ASCC3: variants seen among roughly 807,000 people sequenced by gnomAD.
ASCC3 encodes activating signal cointegrator 1 complex subunit 3.
Under a neutral mutation model 256.3 loss-of-function variants are expected in ASCC3, and 158 were observed. The observed-to-expected ratio is 0.62, with a 90% confidence interval of 0.54 to 0.70. The LOEUF (loss-of-function observed/expected upper bound fraction) is 0.70, where lower values mean the gene tolerates loss of function less well. ASCC3 is among the 30% of genes least tolerant of loss of function. The pLI is 0.00. For synonymous variants in ASCC3, 948 were observed against 883.4 expected (o/e 1.07, Z -1.30); for missense variants, 2,259 against 2,626.0 (o/e 0.86, Z 3.05).
rs34025918 is a variant in ASCC3 at position 100,642,732 on chromosome 6, G to T, written c.3750C>A (p.Ala1250=). The T allele has an allele frequency of 5.2e-5, 84 of 1,613,136 alleles. 1 individual carries two copies. Among genetic ancestry groups the T allele is most frequent in the Middle Eastern group, 1.6e-4 (1 of 6,078 alleles). Residue 1250 remains alanine, a synonymous_variant, in exon 24 of 42, where the codon GCC becomes GCA. Coordinates refer to ENST00000369162, the MANE Select transcript of ASCC3 (RefSeq NM_006828.4). ...TAGGGATTGTAAATACCAGTAGTTG[G>T]GCTTCTTTACTAATGACCTAATATG... ...ALKKQVISKE[A]QLLVFTIPIF... is the part of the protein sequence containing the mutation.
chr6:100,568,821 A>G (rs572268090), intron 36 of ASCC3, among the ~76,000 whole-genome samples: 1 of 150,796 alleles, frequency 6.6e-6, no homozygotes, highest in African/African-American at 2.4e-5. Context: ...TCTGTCGCCC[A>G]GGCTGGACTG....
intron 10 of ASCC3, among the ~76,000 whole-genome samples, chr6:100,745,827 A>C (rs1259453850): frequency 6.6e-6 from 1 of 152,152 alleles, no homozygotes; most frequent in Non-Finnish European, 1.5e-5. Context: ...TTAATAAATG[A>C]GGGATACGTG....
At chr6:100,718,293 A>C in intron 11 of ASCC3, 42 bp from the exon 12 acceptor site, 3 of 1,490,022 alleles carry the variant, frequency 2.0e-6, no homozygotes, top group Non-Finnish European at 2.7e-6. Flanking sequence ...ATTTAAATTA[A>C]TTTAACCAAA....
intron 8 of ASCC3, among the ~76,000 whole-genome samples, chr6:100,792,667 A>G (rs756901639): frequency 6.6e-6 from 1 of 151,940 alleles, no homozygotes; most frequent in East Asian, 1.9e-4. Context: ...AAAGTACCCT[A>G]TAATACTTTA....
At chr6:100,679,865 C>T in intron 13 of ASCC3, 113 bp from the exon 14 acceptor site, 1 of 1,192,480 alleles carries the variant, frequency 8.4e-7, no homozygotes, top group Non-Finnish European at 1.2e-6. Context: ...AACATAATCA[C>T]AAATTTACGA....
intron 15 of ASCC3, 75 bp downstream of exon 15, chr6:100,662,270 T>C: frequency 6.9e-7 from 1 of 1,444,640 alleles, no homozygotes; most frequent in Non-Finnish European, 9.4e-7. Context: ...CACAATATTT[T>C]TCTATGTAAG....
At chr6:100,687,034 T>TCACACACACA (rs71028030) in intron 13 of ASCC3, among the ~76,000 whole-genome samples, 7 of 130,562 alleles carry the variant, frequency 5.4e-5, no homozygotes, top group African/African-American at 1.2e-4. Context: ...TCTCTCTCTC[T>TCACACACACA]CACACACACA....
At chr6:100,645,115 C>A (rs1775315792) in intron 22 of ASCC3, among the ~76,000 whole-genome samples, 1 of 152,126 alleles carries the variant, frequency 6.6e-6, no homozygotes, top group Non-Finnish European at 1.5e-5. Context: ...CTATTAAAAT[C>A]ATTAAGTACT....
intron 36 of ASCC3, among the ~76,000 whole-genome samples, chr6:100,573,215 G>A (rs1770686418): frequency 1.3e-5 from 2 of 152,058 alleles, no homozygotes; most frequent in South Asian, 2.1e-4. Flanking sequence ...CTACTGGGCT[G>A]CTTTCTGAGG....
intron 30 of ASCC3, among the ~76,000 whole-genome samples, chr6:100,624,098 C>A: frequency 6.6e-6 from 1 of 150,802 alleles, no homozygotes; most frequent in African/African-American, 2.4e-5. Context: ...CACATGTACC[C>A]TAAAACTTAA....
At chr6:100,849,734 T>C (rs1398406034) in intron 3 of ASCC3, among the ~76,000 whole-genome samples, 1 of 152,016 alleles carries the variant, frequency 6.6e-6, no homozygotes, top group African/African-American at 2.4e-5. Flanking sequence ...ATTTAAATCT[T>C]CAAAAGGCCC....
chr6:100,673,885 T>C (rs1776879161), intron 14 of ASCC3, among the ~76,000 whole-genome samples: 1 of 152,204 alleles, frequency 6.6e-6, no homozygotes, highest in Admixed American at 6.5e-5. Context: ...AGAACATTCT[T>C]ATTCTCCAAA....
At chr6:100,612,977 A>G (rs893547417) in intron 30 of ASCC3, among the ~76,000 whole-genome samples, 13 of 152,018 alleles carry the variant, frequency 8.6e-5, no homozygotes, top group African/African-American at 2.9e-4. Flanking sequence ...AAACAATAAC[A>G]GCTAAATCTT....
chr6:100,797,087 T>C (rs1269574853), intron 8 of ASCC3, among the ~76,000 whole-genome samples: 1 of 152,158 alleles, frequency 6.6e-6, no homozygotes, highest in Non-Finnish European at 1.5e-5. Context: ...ATAAGTATGA[T>C]AGAAAAGTTT....
At chr6:100,664,262 TA>T (rs1402794074) in intron 14 of ASCC3, among the ~76,000 whole-genome samples, 3 of 152,128 alleles carry the variant, frequency 2.0e-5, no homozygotes, top group African/African-American at 7.2e-5. Context: ...AAGGGCTGGA[TA>T]ATGGCAGGGA....
chr6:100,566,447 A>G (rs117873967), intron 36 of ASCC3, among the ~76,000 whole-genome samples: 559 of 152,268 alleles, frequency 3.7e-3, no homozygotes, highest in Middle Eastern at 0.024. Context: ...GCTTTTACCT[A>G]CATTCACAGG....
chr6:100,877,153 G>T (rs184003749), intron 1 of ASCC3, among the ~76,000 whole-genome samples: 1 of 152,060 alleles, frequency 6.6e-6, no homozygotes, highest in East Asian at 1.9e-4. Flanking sequence ...AATATGAAAA[G>T]ATCTCCAAAA....
chr6:100,569,768 CTT>C (rs770183167), intron 36 of ASCC3, among the ~76,000 whole-genome samples: 1 of 152,056 alleles, frequency 6.6e-6, no homozygotes, highest in Non-Finnish European at 1.5e-5. Flanking sequence ...TATTTGCCCT[CTT>C]TTTTGGTTCT....
chr6:100,804,324 C>T (rs1451430230), intron 5 of ASCC3, among the ~76,000 whole-genome samples: 2 of 152,006 alleles, frequency 1.3e-5, no homozygotes, highest in Non-Finnish European at 2.9e-5. Context: ...TTGTATTATT[C>T]TTGTAACTTT....
Sources: allele counts gnomAD v4.1 joint callset (sites outside exome capture counted in the v4.1 genomes callset), GRCh38; gene constraint gnomAD v4.1.1; transcripts MANE v1.5; gene names NCBI Gene and HGNC (gene_info 2026-07-23, HGNC 2026-07-21).